Variants in ZNF185 observed in about 807,000 individuals in gnomAD.
The protein encoded by ZNF185 is zinc finger protein 185 with LIM domain.
A neutral mutation model predicts 58.6 loss-of-function variants in ZNF185; 56 were observed. That is an observed-to-expected ratio of 0.95 (90% confidence interval 0.77 to 1.19). The LOEUF (loss-of-function observed/expected upper bound fraction) is 1.19. Among genes scored for constraint, ZNF185 ranks in the 50% most tolerant of loss-of-function variants. The probability of loss-of-function intolerance (pLI) is 0.00; values close to 1 mark genes in which losing one functional copy is unlikely to be tolerated. For missense variants in ZNF185, 627 were observed against 573.5 expected (o/e 1.09, Z -0.95); for synonymous variants, 230 against 215.9 (o/e 1.07, Z -0.57).
At chrX:152,963,387 G>A (rs1206699337) in intron 17 of ZNF185, among the ~76,000 whole-genome samples, 1 of 112,688 alleles carries the variant, frequency 8.9e-6, no homozygotes, top group Non-Finnish European at 1.9e-5. Context: ...ATTTCATTTG[G>A]TCCTCTGCCC....
At chrX:152,937,563 G>T (rs2046460304) in intron 14 of ZNF185, among the ~76,000 whole-genome samples, 1 of 111,955 alleles carries the variant, frequency 8.9e-6, no homozygotes, top group African/African-American at 3.3e-5. Context: ...GCCATGTCAA[G>T]CTATGTTGAG....
rs895169034 is a variant in ZNF185 at position 152,938,022 on chromosome X, C to T, written c.1122-52C>T. The T allele has an allele frequency of 3.5e-5, 39 of 1,120,845 alleles. No homozygotes were observed. In the African/African-American group the frequency reaches 4.0e-4, roughly 12 times the overall value. The allele number at this position is 1,120,845 out of a possible 1,213,427, so 92.4% of individuals were successfully genotyped here. A position where few individuals can be genotyped will look rare whatever the true frequency, so the allele number is the denominator to read the frequency against. ...GCAGCCTGGAGGGGGAAGACCTGGGCCCCAGCCTTCTTTGGTCTGAGATCT... is the reference window on the plus strand; with the variant it reads ...GCAGCCTGGAGGGGGAAGACCTGGGTCCCAGCCTTCTTTGGTCTGAGATCT... On this transcript the variant is annotated intron_variant, in intron 14 of 22. Transcript: ENST00000449285.
chrX:152,963,718 G>A, intron 17 of ZNF185, 121 bp from the exon 20 acceptor site: 1 of 547,474 alleles, frequency 1.8e-6, no homozygotes, highest in Non-Finnish European at 2.8e-6. Context: ...AGTTCCATTT[G>A]TTGGTCTTGG....
At chrX:152,906,816 C>T in the ZNF185 span, among the ~76,000 whole-genome samples, 1 of 110,507 alleles carries the variant, frequency 9.0e-6, no homozygotes, top group Admixed American at 9.7e-5. Flanking sequence ...TTGTGCATGG[C>T]GCCCAGTGCC....
rs1035023749 is a variant in ZNF185, at chrX:152,936,276, A to G, written c.1122-1798A>G. ...CCCAGGTGTCAGGCTGCCTTGAGATATAAATATTGTTCCTCAAGCATCCAT... is the reference window on the plus strand; with the variant it reads ...CCCAGGTGTCAGGCTGCCTTGAGATGTAAATATTGTTCCTCAAGCATCCAT... On this transcript the variant is annotated intron_variant, in intron 14 of 22. Transcript: ENST00000449285. 3 of 481,162 alleles carry G rather than the reference A, an allele frequency of 6.2e-6. No individual in the cohort carries two copies. The Admixed American group carries it at 1.1e-4, about 17-fold the overall frequency. 39.7% of individuals were successfully genotyped at this position (481,162 alleles called of 1,213,427 possible). A position where few individuals can be genotyped will look rare whatever the true frequency, so the allele number is the denominator to read the frequency against.
chrX:152,901,849 G>T, the ZNF185 span, among the ~76,000 whole-genome samples: 1 of 111,961 alleles, frequency 8.9e-6, no homozygotes, highest in African/African-American at 3.3e-5. Context: ...AAGACAAGAG[G>T]CCCTGTGGGT....
intron 15 of ZNF185, among the ~76,000 whole-genome samples, chrX:152,940,460 G>A (rs868915078): frequency 1.3e-4 from 14 of 108,170 alleles, no homozygotes; most frequent in South Asian, 4.2e-4. Context: ...GGTCATAGGT[G>A]GATTCAGAGA....
At chrX:152,929,633 G>A (rs1376187126) in intron 12 of ZNF185, among the ~76,000 whole-genome samples, 1 of 111,940 alleles carries the variant, frequency 8.9e-6, no homozygotes, top group Non-Finnish European at 1.9e-5. Flanking sequence ...TTTTAGAGAT[G>A]TTTCCATCCC....
chrX:152,924,676 G>A (rs1230240637), intron 11 of ZNF185, among the ~76,000 whole-genome samples: 1 of 111,370 alleles, frequency 9.0e-6, no homozygotes, highest in South Asian at 3.8e-4. Flanking sequence ...CTGTTTGTTC[G>A]TTTGTTTGTT....
chrX:152,908,922 C>T, the ZNF185 span, among the ~76,000 whole-genome samples: 1 of 113,374 alleles, frequency 8.8e-6, no homozygotes, highest in Non-Finnish European at 1.9e-5. Context: ...TGCAGGGTGC[C>T]CGCCTGACAC....
chrX:152,933,291 T>C (rs187061211), intron 14 of ZNF185, among the ~76,000 whole-genome samples: 1 of 112,650 alleles, frequency 8.9e-6, no homozygotes, highest in African/African-American at 3.2e-5. Flanking sequence ...AGGGAATACA[T>C]GAAGGGACAA....
At chrX:152,922,095 G>A (rs1241331078) in intron 9 of ZNF185, 78 bp from the exon 11 acceptor site, 1 of 1,042,444 alleles carries the variant, frequency 9.6e-7, no homozygotes, top group East Asian at 3.3e-5. Flanking sequence ...AGACGCCACT[G>A]GAAGCATGTT....
chrX:152,903,925 A>G, the ZNF185 span, among the ~76,000 whole-genome samples: 3 of 111,359 alleles, frequency 2.7e-5, no homozygotes, highest in Admixed American at 9.5e-5. Flanking sequence ...TCCAGTGCAG[A>G]CGCCGAGAAG....
chrX:152,898,269 C>G, the ZNF185 span, among the ~76,000 whole-genome samples: 1 of 112,260 alleles, frequency 8.9e-6, no homozygotes, highest in African/African-American at 3.2e-5. Flanking sequence ...TTGGATGCGG[C>G]CCTGCTTGGA....
chrX:152,901,595 G>C, the ZNF185 span, among the ~76,000 whole-genome samples: 13 of 111,666 alleles, frequency 1.2e-4, no homozygotes, highest in Middle Eastern at 4.6e-3. Context: ...ATGGGTCAGA[G>C]GGTGGGCAGG....
intron 14 of ZNF185, among the ~76,000 whole-genome samples, chrX:152,936,067 A>G (rs782749895): frequency 4.3e-4 from 48 of 112,558 alleles, no homozygotes; most frequent in Middle Eastern, 4.6e-3. Flanking sequence ...AGTACTTGGC[A>G]TCTATGAACT....
chrX:152,928,658 T>C (rs1941346266), exon 12 of ZNF185: 1 of 1,210,209 alleles, frequency 8.3e-7, no homozygotes, highest in East Asian at 3.0e-5. Context: ...GTGGAAGGCA[T>C]GAGGTATGGG....
intron 3 of ZNF185, 111 bp downstream of exon 4, chrX:152,915,314 G>GA: frequency 1.3e-6 from 1 of 798,996 alleles, no homozygotes; most frequent in Admixed American, 3.2e-5. Context: ...CAGGGATGCA[G>GA]CCCCAGCCAA....
intron 16 of ZNF185, among the ~76,000 whole-genome samples, chrX:152,952,919 G>T (rs1409081300): frequency 4.6e-5 from 5 of 108,325 alleles, no homozygotes; most frequent in Non-Finnish European, 9.6e-5. Flanking sequence ...GGGAGGAGGA[G>T]GAGGATGAGG....
Sources: gnomAD v4.1 joint callset for allele counts (sites outside exome capture counted in the v4.1 genomes callset) on GRCh38, gnomAD v4.1.1 for gene constraint, MANE v1.5 for transcripts, NCBI Gene and HGNC (gene_info 2026-07-23, HGNC 2026-07-21) for gene names.